STIM1: variants seen among roughly 807,000 people sequenced by gnomAD.
The protein encoded by STIM1 is stromal interaction molecule 1.
Under a neutral mutation model 74.7 loss-of-function variants are expected in STIM1, and 25 were observed. The observed-to-expected ratio is 0.33, with a 90% confidence interval of 0.24 to 0.47. STIM1 has a LOEUF of 0.47. Ranked by LOEUF, STIM1 falls within the 20% of genes least tolerant of loss-of-function variation. The pLI is 1.00. For synonymous variants in STIM1, 328 were observed against 348.8 expected (o/e 0.94, Z 0.66); for missense variants, 728 against 920.8 (o/e 0.79, Z 2.71).
intron 1 of STIM1, among the ~76,000 whole-genome samples, chr11:3,911,033 C>G (rs1335722318): frequency 6.6e-6 from 1 of 152,106 alleles, no homozygotes; most frequent in East Asian, 1.9e-4. Flanking sequence ...ATCTACAAGT[C>G]TCATCCTGCT....
chr11:4,051,446 G>A (rs574681441), intron 3 of STIM1, among the ~76,000 whole-genome samples: 6 of 151,362 alleles, frequency 4.0e-5, no homozygotes, highest in Admixed American at 1.3e-4. Context: ...GAGTTCAAGC[G>A]ATTTTCCTGC....
At chr11:3,882,763 A>G (rs1180563311) in intron 1 of STIM1, among the ~76,000 whole-genome samples, 1 of 152,174 alleles carries the variant, frequency 6.6e-6, no homozygotes, top group African/African-American at 2.4e-5. Flanking sequence ...CTTTTTACTT[A>G]TACCAGCAAT....
intron 2 of STIM1, among the ~76,000 whole-genome samples, chr11:3,970,514 G>C (rs1359797193): frequency 6.6e-6 from 1 of 151,220 alleles, no homozygotes; most frequent in Non-Finnish European, 1.5e-5. Flanking sequence ...CAGAAACCCT[G>C]GTTCTTTTGG....
At chr11:4,066,674 C>T (rs1387566337) in intron 5 of STIM1, among the ~76,000 whole-genome samples, 10 of 151,956 alleles carry the variant, frequency 6.6e-5, no homozygotes, top group Admixed American at 6.6e-4. Context: ...GCAAGACCTC[C>T]ATCTCTAAAA....
chr11:4,038,758 T>G (rs1590666129), intron 3 of STIM1, among the ~76,000 whole-genome samples: 1 of 152,210 alleles, frequency 6.6e-6, no homozygotes, highest in African/African-American at 2.4e-5. Flanking sequence ...ATACCATTAT[T>G]CTTGGCCCAG....
chr11:4,021,094 G>T (rs1317375940), intron 2 of STIM1, among the ~76,000 whole-genome samples: 13 of 151,840 alleles, frequency 8.6e-5, no homozygotes. Context: ...ATTTTATTTT[G>T]ATTTAATCCC....
chr11:4,046,743 G>A (rs1274324994), intron 3 of STIM1, among the ~76,000 whole-genome samples: 1 of 152,142 alleles, frequency 6.6e-6, no homozygotes, highest in African/African-American at 2.4e-5. Flanking sequence ...TTGAACTCCT[G>A]GGCTCAAGTT....
chr11:4,044,826 AG>A (rs1242292615), intron 3 of STIM1, among the ~76,000 whole-genome samples: 1 of 152,190 alleles, frequency 6.6e-6, no homozygotes, highest in African/African-American at 2.4e-5. Flanking sequence ...TGCAGTGTTT[AG>A]AGCAGTGGTT....
At chr11:3,980,610 TAA>T (rs34722747) in intron 2 of STIM1, among the ~76,000 whole-genome samples, 2,463 of 126,452 alleles carry the variant, frequency 0.019, 37 homozygotes, top group African/African-American at 0.045. Context: ...CCCATCTCTT[TAA>T]AAAAAAAAAA....
chr11:3,892,919 G>A lies in STIM1; in HGVS notation c.139+36510G>A, dbSNP rs1257348491. 30 of 1,248,360 alleles carry A rather than the reference G, an allele frequency of 2.4e-5. No homozygotes were observed. In the East Asian group the frequency reaches 6.5e-4, roughly 27 times the overall value. 77.3% of individuals were successfully genotyped at this position (1,248,360 alleles called of 1,614,324 possible). Reference sequence around the variant, plus strand: ...TAGTACGGGGCTCCCGGCAGCAGCAGCATCTGCAAAGACTTTTATGTTTTA... The same window carrying A: ...TAGTACGGGGCTCCCGGCAGCAGCAACATCTGCAAAGACTTTTATGTTTTA... On this transcript the variant is annotated intron_variant, in intron 1 of 12. Transcript: ENST00000526596.
intron 1 of STIM1, among the ~76,000 whole-genome samples, chr11:3,919,061 A>G (rs748783751): frequency 6.6e-6 from 1 of 152,144 alleles, no homozygotes; most frequent in Non-Finnish European, 1.5e-5. Flanking sequence ...TTGAGGTGGG[A>G]TAGTGCTTGA....
chr11:3,871,168 C>G (rs2091081521), intron 1 of STIM1, among the ~76,000 whole-genome samples: 1 of 152,102 alleles, frequency 6.6e-6, no homozygotes. Flanking sequence ...CGCCCGGCCT[C>G]CTATCAGCTA....
At chr11:3,994,620 C>T (rs1028986457) in intron 2 of STIM1, among the ~76,000 whole-genome samples, 8 of 151,822 alleles carry the variant, frequency 5.3e-5, no homozygotes, top group South Asian at 2.1e-4. Context: ...CCACCACACC[C>T]GGCTAATTTT....
intron 1 of STIM1, among the ~76,000 whole-genome samples, chr11:3,867,701 G>A (rs1047171471): frequency 2.0e-5 from 3 of 152,206 alleles, no homozygotes; most frequent in Non-Finnish European, 4.4e-5. Flanking sequence ...TGTGATGGAG[G>A]AGACAAAAGA....
chr11:4,016,793 C>G (rs557537839), intron 2 of STIM1, among the ~76,000 whole-genome samples: 1 of 152,358 alleles, frequency 6.6e-6, no homozygotes, highest in South Asian at 2.1e-4. Context: ...CCCCTCCCCC[C>G]ACCAAGCTCC....
intron 3 of STIM1, among the ~76,000 whole-genome samples, chr11:4,043,886 G>A (rs758279976): frequency 2.0e-5 from 3 of 152,086 alleles, no homozygotes; most frequent in Admixed American, 1.3e-4. Context: ...GTGGTGGCAC[G>A]TGCCTGTAAT....
At chr11:3,955,225 T>C (rs932037064) in intron 1 of STIM1, among the ~76,000 whole-genome samples, 2 of 152,212 alleles carry the variant, frequency 1.3e-5, no homozygotes, top group East Asian at 3.9e-4. Context: ...GGAGGGAGAA[T>C]GAGGGTTGGC....
chr11:3,936,447 C>G (rs551366410), intron 1 of STIM1, among the ~76,000 whole-genome samples: 39 of 152,274 alleles, frequency 2.6e-4, no homozygotes, highest in African/African-American at 9.4e-4. Flanking sequence ...CTCAGTACCC[C>G]TACAGTTCCA....
At chr11:4,076,787 G>A (rs2133197899) in intron 7 of STIM1, among the ~76,000 whole-genome samples, 1 of 148,752 alleles carries the variant, frequency 6.7e-6, no homozygotes, top group East Asian at 2.0e-4. Context: ...CCTTTTTTGG[G>A]ACATGGTTAT....
Sources: allele counts gnomAD v4.1 joint callset (sites outside exome capture counted in the v4.1 genomes callset), GRCh38; gene constraint gnomAD v4.1.1; transcripts MANE v1.5; gene names NCBI Gene and HGNC (gene_info 2026-07-23, HGNC 2026-07-21).